The following CAPN7 variants were observed in gnomAD, a reference collection of about 807,000 sequenced individuals.
CAPN7 encodes the protein calpain-7.
In CAPN7, 72 loss-of-function variants were observed where a neutral mutation model predicts 115.2. That is an observed-to-expected ratio of 0.63 (90% confidence interval 0.52 to 0.76). The LOEUF is 0.76. Ranked by LOEUF, CAPN7 falls within the 30% of genes least tolerant of loss-of-function variation. CAPN7 has a pLI of 0.00. For synonymous variants in CAPN7, 344 were observed against 322.3 expected (o/e 1.07, Z -0.72); for missense variants, 905 against 971.5 (o/e 0.93, Z 0.91).
At position 15,230,533 on chromosome 3, in the gene CAPN7, A is replaced by T; in HGVS notation, c.1030A>T (p.Lys344Ter). 6.3e-7 allele frequency: 1 copy of T among 1,583,616 alleles called. No individual in the cohort carries two copies. The highest frequency in any genetic ancestry group is 8.7e-7 in the Non-Finnish European group (1 of 1,152,850). Residue 344 changes from lysine to a stop codon, truncating the protein, a stop_gained and splice_region_variant, in exon 9 of 21, where the codon AAG becomes TAG. Transcript: ENST00000253693. LOFTEE classifies it high-confidence loss of function. ...VKLHLNGVPRKVIIDDQLPVD... is the reference protein window; with the variant it reads ...VKLHLNGVPR Reference sequence around the variant, plus strand: ...ACTTCACCTCAATGGTGTCCCAAGAAAGGTGAATAATGTCTCTCCCCACTC... The same window carrying T: ...ACTTCACCTCAATGGTGTCCCAAGATAGGTGAATAATGTCTCTCCCCACTC...
chr3:15,227,794 C>A, intron 6 of CAPN7, 45 bp from the exon 7 acceptor site: 2 of 1,274,044 alleles, frequency 1.6e-6, no homozygotes, highest in Non-Finnish European at 2.1e-6. Flanking sequence ...TTTGAGTCAT[C>A]TTTTAAGATT....
chr3:15,242,405 A>G, intron 16 of CAPN7, 152 bp downstream of exon 16: 1 of 560,244 alleles, frequency 1.8e-6, no homozygotes, highest in East Asian at 3.1e-5. Context: ...ATGGGTATTC[A>G]TGCTGTTCTG....
rs772904944 is a variant in CAPN7 at position 15,241,484 on chromosome 3, G to T, written c.1684G>T (p.Asp562Tyr). ...GGATGCTAAGCAAGGACCTGTGAAAGATGCCTATAGCCTGGCCAACAACCC... is the reference window on the plus strand; with the variant it reads ...GGATGCTAAGCAAGGACCTGTGAAATATGCCTATAGCCTGGCCAACAACCC... ...TWDAKQGPVKDAYSLANNPQY... is the reference protein window; with the variant it reads ...TWDAKQGPVKYAYSLANNPQY... The change falls in exon 15 of 21, where the codon GAT becomes TAT. Residue 562 changes from aspartate (D) to tyrosine (Y), a missense_variant. Transcript: ENST00000253693. The T allele has an allele frequency of 6.2e-7, 1 of 1,613,944 alleles. No individual in the cohort carries two copies. Among genetic ancestry groups the T allele is most frequent in the Non-Finnish European group, 8.5e-7 (1 of 1,179,970 alleles).
At chr3:15,237,443 AG>A (rs11361667) in intron 12 of CAPN7, among the ~76,000 whole-genome samples, 17,902 of 152,114 alleles carry the variant, frequency 0.12, 3,505 homozygotes, top group African/African-American at 0.4. Flanking sequence ...CTGTATATGA[AG>A]TTAATGAGGA....
chr3:15,220,891 C>T lies in CAPN7; in HGVS notation c.548C>T (p.Pro183Leu). 2.5e-6 allele frequency: 4 copies of T among 1,614,160 alleles called. No homozygotes were observed. The highest frequency in any genetic ancestry group is 3.4e-6 in the Non-Finnish European group (4 of 1,180,008). ...VRAHFPLGAN[P>L]FLERPQSFIS... The stretch of plus-strand genomic sequence containing the variant: ...GCACATTTTCCACTGGGCGCTAATC[C>T]CTTCCTTGAAAGACCTCAGTCATTT... The change falls in exon 5 of 21, where the codon CCC becomes CTC. Residue 183 changes from proline to leucine, a missense_variant. Physicochemically the swap from Pro to Leu is moderately conservative, Grantham distance 98. Transcript: ENST00000253693.
chr3:15,214,706 G>A (rs2045144844), intron 2 of CAPN7, among the ~76,000 whole-genome samples: 1 of 152,152 alleles, frequency 6.6e-6, no homozygotes, highest in South Asian at 2.1e-4. Context: ...GACAGAGTAA[G>A]ACCCTGTCTC....
chr3:15,237,615 TTAAG>T lies in CAPN7; in HGVS notation c.1407+2473_1407+2476del, dbSNP rs1363404056. Among the ~76,000 whole-genome samples, 4 of 152,280 alleles carry T rather than the reference TTAAG, an allele frequency of 2.6e-5. No homozygotes were observed. In the East Asian group the frequency reaches 7.7e-4, roughly 29 times the overall value. Reference sequence around the variant, plus strand: ...CAAAAAATATAAAAATTATGTGAAATTAAGTACGCCAATAAGTTTGGGGTTTTTT... The same window carrying T: ...CAAAAAATATAAAAATTATGTGAAATTACGCCAATAAGTTTGGGGTTTTTT... On this transcript the variant is annotated intron_variant, in intron 12 of 20. Coordinates refer to ENST00000253693, the MANE Select transcript of CAPN7 (RefSeq NM_014296.3).
At chr3:15,233,631 TA>T (rs1408493086) in intron 10 of CAPN7, among the ~76,000 whole-genome samples, 4 of 152,194 alleles carry the variant, frequency 2.6e-5, no homozygotes, top group African/African-American at 9.7e-5. Context: ...TATTCACCTG[TA>T]AAAAATAGTT....
Position 15,217,731 on chromosome 3 carries a change from G to A in CAPN7, c.369+149G>A, listed in dbSNP as rs1051464675. The A allele has an allele frequency of 7.4e-6, 4 of 543,790 alleles. No homozygotes were observed. In the African/African-American group the frequency reaches 7.8e-5, roughly 11 times the overall value. 33.7% of individuals were successfully genotyped at this position (543,790 alleles called of 1,614,324 possible). A position where few individuals can be genotyped will look rare whatever the true frequency, so the allele number is the denominator to read the frequency against. On this transcript the variant is annotated intron_variant, in intron 3 of 20. Coordinates refer to ENST00000253693, the MANE Select transcript of CAPN7 (RefSeq NM_014296.3). The stretch of plus-strand genomic sequence containing the variant: ...TAACAACTACTCCTCAATATAAGAT[G>A]ATGAGTAGAAAGCTAATAATGGGTT...
At chr3:15,206,850 C>G (rs979059102) in intron 1 of CAPN7, among the ~76,000 whole-genome samples, 1 of 152,262 alleles carries the variant, frequency 6.6e-6, no homozygotes, top group African/African-American at 2.4e-5. Flanking sequence ...AAATGCCCAC[C>G]GTTGAGCCGC....
At chr3:15,241,396 T>C (rs1250613153) in intron 14 of CAPN7, 57 bp from the exon 15 acceptor site, 3 of 1,545,948 alleles carry the variant, frequency 1.9e-6, no homozygotes, top group East Asian at 2.3e-5. Flanking sequence ...AATAGTGTTA[T>C]ATTTTAGCTC....
chr3:15,219,312 G>A (rs1398588114), intron 4 of CAPN7, among the ~76,000 whole-genome samples: 1 of 152,152 alleles, frequency 6.6e-6, no homozygotes, highest in Non-Finnish European at 1.5e-5. Flanking sequence ...ATGAAAGGGT[G>A]GAAATTGCTT....
intron 19 of CAPN7, among the ~76,000 whole-genome samples, chr3:15,248,243 C>A (rs1472074835): frequency 6.6e-6 from 1 of 151,944 alleles, no homozygotes; most frequent in Non-Finnish European, 1.5e-5. Context: ...ATCCAGATGG[C>A]CAGTAAACCA....
rs776408943 is a variant in CAPN7 at position 15,252,368 on chromosome 3, C to G, written c.*1108C>G. Reference sequence around the variant, plus strand: ...CTGTCGTGTTTCATGTAAATGAGAACAGATTATTTGCATGAAAATATATAC... The same window carrying G: ...CTGTCGTGTTTCATGTAAATGAGAAGAGATTATTTGCATGAAAATATATAC... On this transcript the variant is annotated 3_prime_UTR_variant, in exon 21 of 21. Coordinates refer to ENST00000253693, the MANE Select transcript of CAPN7 (RefSeq NM_014296.3). 2.8e-4 allele frequency: 42 copies of G among 152,534 alleles called. No individual in the cohort carries two copies. The highest frequency in any genetic ancestry group is 1.5e-4 in the Non-Finnish European group (10 of 67,994). 9.4% of individuals were successfully genotyped at this position (152,534 alleles called of 1,614,324 possible).
intron 4 of CAPN7, among the ~76,000 whole-genome samples, chr3:15,219,103 C>T (rs1693814376): frequency 6.6e-6 from 1 of 152,186 alleles, no homozygotes; most frequent in Non-Finnish European, 1.5e-5. Flanking sequence ...TTGTTAATGT[C>T]TGTGTCCCCT....
intron 1 of CAPN7, among the ~76,000 whole-genome samples, chr3:15,208,034 C>T (rs926670116): frequency 5.3e-5 from 8 of 152,010 alleles, no homozygotes; most frequent in Admixed American, 6.6e-5. Context: ...CACAAACATG[C>T]GAGTAAAGTG....
At chr3:15,239,020 CT>C (rs1281769607) in intron 12 of CAPN7, among the ~76,000 whole-genome samples, 1 of 151,976 alleles carries the variant, frequency 6.6e-6, no homozygotes, top group African/African-American at 2.4e-5. Flanking sequence ...TTGTGCTCCT[CT>C]TTTAGGAAGT....
chr3:15,240,626 A>T lies in CAPN7; in HGVS notation c.1552+9A>T. The T allele has an allele frequency of 6.3e-7, 1 of 1,582,226 alleles. No homozygotes were observed. Among genetic ancestry groups the T allele is most frequent in the Non-Finnish European group, 8.6e-7 (1 of 1,169,120 alleles). ...TCAGAAAATAGACAACGGTAAATAT[A>T]TCTTTTTAATTTTAATACCATTTAT... is the stretch of plus-strand genomic sequence containing the variant. On this transcript the variant is annotated intron_variant, in intron 13 of 20. Coordinates refer to ENST00000253693, the MANE Select transcript of CAPN7 (RefSeq NM_014296.3).
In CAPN7 at chr3:15,217,410, T is replaced by C. The variant is rs545193498; in HGVS notation, c.212-15T>C. The stretch of plus-strand genomic sequence containing the variant: ...TAGATAATACTCCTTCTGCGTATTT[T>C]TTTTTCTATCCTAGTTCAGTCAAAG... On this transcript the variant is annotated splice_polypyrimidine_tract_variant and intron_variant, in intron 2 of 20. Coordinates refer to ENST00000253693, the MANE Select transcript of CAPN7 (RefSeq NM_014296.3). 1 of 1,586,844 alleles carries C rather than the reference T, an allele frequency of 6.3e-7. No individual in the cohort carries two copies. The highest frequency in any genetic ancestry group is 1.4e-5 in the African/African-American group (1 of 73,382).
Sources: gnomAD v4.1 joint callset for allele counts (sites outside exome capture counted in the v4.1 genomes callset) on GRCh38, gnomAD v4.1.1 for gene constraint, MANE v1.5 for transcripts, NCBI Gene and HGNC (gene_info 2026-07-23, HGNC 2026-07-21) for gene names.